Variants in CEP89 observed in about 807,000 individuals in gnomAD.
The protein encoded by CEP89 is centrosomal protein 89, also known as centrosomal protein of 89 kDa.
In CEP89, 95 loss-of-function variants were observed where a neutral mutation model predicts 97.6. The observed-to-expected ratio is 0.97, with a 90% confidence interval of 0.82 to 1.15. The LOEUF is 1.15. Among genes scored for constraint, CEP89 ranks in the 50% most tolerant of loss-of-function variants. The pLI is 0.00. For synonymous variants in CEP89, 354 were observed against 349.1 expected, an observed-to-expected ratio of 1.01 and a Z score of -0.16; for missense variants, 869 against 947.7, an observed-to-expected ratio of 0.92 and a Z score of 1.09.
chr19:32,927,929 T>A (rs907869629), intron 9 of CEP89, among the ~76,000 whole-genome samples: 2 of 146,710 alleles, frequency 1.4e-5, no homozygotes, highest in African/African-American at 5.0e-5. Flanking sequence ...CTTTTTTTTT[T>A]TTTTTTGAGA....
intron 14 of CEP89, among the ~76,000 whole-genome samples, chr19:32,902,808 T>C (rs1335804335): frequency 6.6e-6 from 1 of 152,084 alleles, no homozygotes; most frequent in Non-Finnish European, 1.5e-5. Flanking sequence ...TGTCCGTGTG[T>C]GAGAGGAAAC....
chr19:32,923,266 G>A (rs552495972), intron 12 of CEP89, among the ~76,000 whole-genome samples, 173 bp downstream of exon 12: 1 of 152,326 alleles, frequency 6.6e-6, no homozygotes, highest in East Asian at 1.9e-4. Context: ...TCTTGAAAAT[G>A]TAAGTTTAGA....
chr19:32,936,276 C>T lies in CEP89; in HGVS notation c.667+1355G>A, dbSNP rs1970578741. 6.6e-6 allele frequency among the ~76,000 whole-genome samples: 1 copy of T among 152,188 alleles called. No individual in the cohort carries two copies. Among genetic ancestry groups the T allele is most frequent in the Admixed American group, 6.5e-5 (1 of 15,282 alleles). ...AGGGCAGTACTGACACGACAGCGCC[C>T]TGCCGCCTCAGCCCCCTCCAGACTT... On this transcript the variant is annotated intron_variant, in intron 7 of 18. Transcript: ENST00000305768. The surrounding 1 kb of genome is among the most constrained non-coding windows in gnomAD (Gnocchi z 4.5).
At chr19:32,964,963 T>A (rs1240405940) in intron 2 of CEP89, among the ~76,000 whole-genome samples, 3 of 152,138 alleles carry the variant, frequency 2.0e-5, no homozygotes, top group Non-Finnish European at 2.9e-5. Flanking sequence ...TGCAGTGCAG[T>A]GACATGATCA....
chr19:32,951,534 TACACACAC>T (rs60580377), intron 4 of CEP89, among the ~76,000 whole-genome samples: 1 of 122,042 alleles, frequency 8.2e-6, no homozygotes, highest in Admixed American at 8.2e-5. Flanking sequence ...TATATATATA[TACACACAC>T]ACACACACAC....
At chr19:32,942,959 C>A (rs933604514) in intron 5 of CEP89, among the ~76,000 whole-genome samples, 1 of 151,988 alleles carries the variant, frequency 6.6e-6, no homozygotes, top group Non-Finnish European at 1.5e-5. Context: ...GATCTTCCTG[C>A]CTCAGCCTCC....
At chr19:32,918,116 C>T (rs1397543244) in intron 13 of CEP89, 108 bp downstream of exon 13, 3 of 861,120 alleles carry the variant, frequency 3.5e-6, no homozygotes, top group Non-Finnish European at 3.8e-6. Context: ...AAATGCAAAA[C>T]ATGACTTCTC....
chr19:32,966,360 C>G lies in CEP89; in HGVS notation c.146G>C (p.Arg49Thr). The G allele has an allele frequency of 2.0e-6, 3 of 1,521,420 alleles. No individual in the cohort carries two copies. Among genetic ancestry groups the G allele is most frequent in the Non-Finnish European group, 2.7e-6 (3 of 1,126,156 alleles). The allele number at this position is 1,521,420 out of a possible 1,614,324, so 94.2% of individuals were successfully genotyped here. The change falls in exon 2 of 19, where the codon AGA becomes ACA. Residue 49 changes from arginine to threonine, a missense_variant and splice_region_variant. Transcript: ENST00000305768. ...CAGTGCCTGCTCATCTGATACTCAC[C>G]TTGGTCTCTCTGGAGATGGGTTGGG... ...RSPNPSPERP[R>T]SALAAAILAT...
intron 14 of CEP89, among the ~76,000 whole-genome samples, chr19:32,914,622 A>G (rs1426393337): frequency 6.6e-6 from 1 of 152,090 alleles, no homozygotes; most frequent in Non-Finnish European, 1.5e-5. Flanking sequence ...CACAGGCCAA[A>G]ACAGTATGAA....
chr19:32,890,729 C>T (rs1238375596), intron 16 of CEP89, among the ~76,000 whole-genome samples: 1 of 152,090 alleles, frequency 6.6e-6, no homozygotes, highest in Non-Finnish European at 1.5e-5. Context: ...CCCAGGGGAG[C>T]CCCTCAACCC....
In CEP89 at chr19:32,959,808, CAT is replaced by C. The variant is rs1373373092; in HGVS notation, c.305+90_305+91del. ...ACCCACACAGGTACACATGCACACA[CAT>C]GTACGCATGCACACATACACGTAGA... On this transcript the variant is annotated intron_variant, in intron 3 of 18. Transcript: ENST00000305768. 9 of 1,345,000 alleles carry C rather than the reference CAT, an allele frequency of 6.7e-6. 1 individual carries two copies. The South Asian group carries it at 7.7e-5, about 12-fold the overall frequency. The allele number at this position is 1,345,000 out of a possible 1,614,324, so 83.3% of individuals were successfully genotyped here.
At position 32,931,953 on chromosome 19, in the gene CEP89, G is replaced by A. The variant is rs934232249; in HGVS notation, c.887-382C>T. Among the ~76,000 whole-genome samples, 12 of 152,254 alleles carry A rather than the reference G, an allele frequency of 7.9e-5. No individual in the cohort carries two copies. In the East Asian group the frequency reaches 1.2e-3, roughly 15 times the overall value. On this transcript the variant is annotated intron_variant, in intron 8 of 18. Coordinates refer to ENST00000305768, the MANE Select transcript of CEP89 (RefSeq NM_032816.5). Reference sequence around the variant, plus strand: ...TCCCAGCACTTTGGGAGGCCGAGGCGGGTGGATCACGAGGTGAGGAGATCG... The same window carrying A: ...TCCCAGCACTTTGGGAGGCCGAGGCAGGTGGATCACGAGGTGAGGAGATCG...
chr19:32,917,237 ACT>A (rs1970145459), intron 13 of CEP89, among the ~76,000 whole-genome samples: 1 of 152,040 alleles, frequency 6.6e-6, no homozygotes, highest in Admixed American at 6.6e-5. Context: ...AGGCTCCACA[ACT>A]CTGTTTCCCC....
intron 12 of CEP89, among the ~76,000 whole-genome samples, chr19:32,920,811 A>G (rs1568560786): frequency 6.6e-6 from 1 of 152,114 alleles, no homozygotes; most frequent in Admixed American, 6.6e-5. Context: ...AGAAAGAAAC[A>G]GACCCATTAA....
chr19:32,930,149 C>G (rs1238153686), intron 9 of CEP89, among the ~76,000 whole-genome samples: 1 of 151,862 alleles, frequency 6.6e-6, no homozygotes, highest in Non-Finnish European at 1.5e-5. Flanking sequence ...CCTCAGCCTC[C>G]CAGGTAGCTG....
chr19:32,888,674 T>C (rs531686352), intron 16 of CEP89, among the ~76,000 whole-genome samples: 9 of 150,678 alleles, frequency 6.0e-5, no homozygotes, highest in Non-Finnish European at 1.2e-4. Context: ...CATAGCGAGA[T>C]TCTGTCTCAA....
At chr19:32,971,743 G>A in intron 1 of CEP89, 93 bp downstream of exon 1, 1 of 1,290,614 alleles carries the variant, frequency 7.7e-7, no homozygotes, top group Non-Finnish European at 1.1e-6. Flanking sequence ...CCCCTTGACT[G>A]GATCTCAGGC....
chr19:32,882,320 T>C (rs1969301021), intron 17 of CEP89, among the ~76,000 whole-genome samples: 1 of 152,172 alleles, frequency 6.6e-6, no homozygotes, highest in South Asian at 2.1e-4. Context: ...TTCAGCACTA[T>C]TACAGGCTGA....
In CEP89 at chr19:32,921,730, C is replaced by T. The variant is rs903005545; in HGVS notation, c.1268+1709G>A. On this transcript the variant is annotated intron_variant, in intron 12 of 18. Coordinates refer to ENST00000305768, the MANE Select transcript of CEP89 (RefSeq NM_032816.5). ...TCCAGTCCACTGTTCAAGGAGGGTG[C>T]GAGGGGAGACACACTAGGAACCCTG... Among the ~76,000 whole-genome samples, 51 of 151,922 alleles carry T rather than the reference C, an allele frequency of 3.4e-4. 1 individual carries two copies. Among genetic ancestry groups the T allele is most frequent in the Admixed American group, 3.3e-3 (50 of 15,248 alleles).
Sources: gnomAD v4.1 joint callset for allele counts (sites outside exome capture counted in the v4.1 genomes callset) on GRCh38, gnomAD v4.1.1 for gene constraint, Gnocchi (gnomAD v3.1) non-coding constraint, MANE v1.5 for transcripts, NCBI Gene and HGNC (gene_info 2026-07-23, HGNC 2026-07-21) for gene names.